The following LPIN2 variants were observed in gnomAD, a reference collection of about 807,000 sequenced individuals.
LPIN2 encodes the protein lipin 2.
Under a neutral mutation model 111.4 loss-of-function variants are expected in LPIN2, and 55 were observed. The ratio of observed to expected loss-of-function variants is 0.49; its 90% CI spans 0.40 to 0.62. The LOEUF (loss-of-function observed/expected upper bound fraction) is 0.62. Among genes scored for constraint, LPIN2 ranks in the 20% least tolerant of loss-of-function variants. LPIN2 has a pLI of 0.00. For missense variants in LPIN2, 992 were observed against 1,112.1 expected (o/e 0.89, Z 1.54); for synonymous variants, 425 against 414.0 (o/e 1.03, Z -0.32).
chr18:2,944,517 A>G (rs2077418946), intron 4 of LPIN2, among the ~76,000 whole-genome samples: 1 of 151,684 alleles, frequency 6.6e-6, no homozygotes, highest in Admixed American at 6.6e-5. Flanking sequence ...ACGCCCAGCT[A>G]ATTTTTGTAT....
intron 6 of LPIN2, 78 bp downstream of exon 6, chr18:2,939,402 T>A: frequency 6.3e-7 from 1 of 1,577,548 alleles, no homozygotes; most frequent in Non-Finnish European, 8.7e-7. Context: ...AGAAATTGCC[T>A]CCTTTACTTA....
At position 2,931,322 on chromosome 18, in the gene LPIN2, T is replaced by C. The variant is rs2077210318; in HGVS notation, c.1390A>G (p.Met464Val). The change falls in exon 9 of 20, where the codon ATG becomes GTG. Residue 464 changes from methionine to valine, a missense_variant. Physicochemically the swap from Met to Val is conservative, Grantham distance 21. Transcript: ENST00000677752. ...GAGAGGGTAACGTCAGGCAAGTCCA[T>C]GGCAGAATCTGAGAGGCACTCGGTG... The part of the protein sequence containing the change: ...SGTECLSDSA[M>V]DLPDVTLSLC... The C allele has an allele frequency of 6.2e-7, 1 of 1,614,226 alleles. No individual in the cohort carries two copies. Among genetic ancestry groups the C allele is most frequent in the East Asian group, 2.2e-5 (1 of 44,890 alleles).
rs1204371668 is a variant in LPIN2 at position 2,917,526 on chromosome 18, C to T, written c.*2767G>A. Reference sequence around the variant, plus strand: ...TCCGGGCCAGCGCTTCCCAGTCATCCAATCTCCTTTGTCCCTCGGTTGTTC... The same window carrying T: ...TCCGGGCCAGCGCTTCCCAGTCATCTAATCTCCTTTGTCCCTCGGTTGTTC... On this transcript the variant is annotated 3_prime_UTR_variant, in exon 20 of 20. Transcript: ENST00000677752. 6.6e-6 allele frequency: 1 copy of T among 152,254 alleles called. No homozygotes were observed. The highest frequency in any genetic ancestry group is 1.5e-5 in the Non-Finnish European group (1 of 68,058). 9.4% of individuals were successfully genotyped at this position (152,254 alleles called of 1,614,324 possible).
intron 1 of LPIN2, among the ~76,000 whole-genome samples, chr18:2,979,962 A>G (rs1305937423): frequency 6.6e-6 from 1 of 152,210 alleles, no homozygotes; most frequent in Non-Finnish European, 1.5e-5. Flanking sequence ...CCTCCAATGC[A>G]GCTACTTCTG....
chr18:2,979,386 G>T (rs1273704938), intron 1 of LPIN2, among the ~76,000 whole-genome samples: 1 of 152,194 alleles, frequency 6.6e-6, no homozygotes, highest in Admixed American at 6.5e-5. Context: ...CATTCATACA[G>T]CCATTTGCTG....
intron 3 of LPIN2, among the ~76,000 whole-genome samples, chr18:2,951,951 T>G (rs930043841): frequency 2.0e-5 from 3 of 152,206 alleles, no homozygotes; most frequent in Admixed American, 6.5e-5. Flanking sequence ...TGTTTAAAAA[T>G]AAGAAATATT....
intron 1 of LPIN2, among the ~76,000 whole-genome samples, chr18:3,001,539 T>G (rs1249411098): frequency 6.6e-6 from 1 of 152,114 alleles, no homozygotes; most frequent in Admixed American, 6.6e-5. Context: ...TAAAGAATTG[T>G]GCGTGTGAGA....
At chr18:2,983,439 T>G (rs1190398466) in intron 1 of LPIN2, among the ~76,000 whole-genome samples, 1 of 152,254 alleles carries the variant, frequency 6.6e-6, no homozygotes, top group African/African-American at 2.4e-5. Flanking sequence ...CCTTGGCAGC[T>G]CTCAGTAAGT....
At chr18:2,990,852 G>A (rs1176872407) in intron 1 of LPIN2, 2 of 448,246 alleles carry the variant, frequency 4.5e-6, no homozygotes, top group Non-Finnish European at 4.4e-6. Context: ...CCCGCCGGCA[G>A]GGACAATGAT....
At position 2,924,491 on chromosome 18, in the gene LPIN2, T is replaced by C; in HGVS notation, c.1994A>G (p.Gln665Arg). 1.2e-6 allele frequency: 2 copies of C among 1,614,212 alleles called. No homozygotes were observed. The highest frequency in any genetic ancestry group is 1.7e-6 in the Non-Finnish European group (2 of 1,180,018). Residue 665 changes from glutamine (Q) to arginine (R), a missense_variant, in exon 15 of 20, where the codon CAG becomes CGG. This residue lies in a region of LPIN2 where 709 missense variants were observed against 753.2 expected (regional missense o/e 0.94). Transcript: ENST00000677752. ...PNDVVFSITT[Q>R]YQGTCRCAGT... ...TGCACAGCGACAGGTGCCTTGATAC[T>C]GGGTTGTAATACTAAACACAACATC... is the stretch of plus-strand genomic sequence containing the variant.
chr18:2,922,366 C>G (rs988700453), intron 16 of LPIN2, among the ~76,000 whole-genome samples, 167 bp from the exon 17 acceptor site: 2 of 151,904 alleles, frequency 1.3e-5, no homozygotes, highest in Non-Finnish European at 2.9e-5. Flanking sequence ...CCTCCACCTC[C>G]TGGATTCAAG....
At chr18:3,011,264 T>C (rs1468806584) in intron 1 of LPIN2, among the ~76,000 whole-genome samples, 1 of 152,224 alleles carries the variant, frequency 6.6e-6, no homozygotes, top group African/African-American at 2.4e-5. Context: ...AAACACTTCA[T>C]TTCCAGCTTC....
chr18:2,987,472 T>C (rs1441629981), intron 1 of LPIN2, among the ~76,000 whole-genome samples: 1 of 152,214 alleles, frequency 6.6e-6, no homozygotes, highest in Non-Finnish European at 1.5e-5. Context: ...TGTATCGGCA[T>C]CATGTAGGAA....
chr18:2,934,496 T>C (rs1293949210), intron 7 of LPIN2, 46 bp from the exon 8 acceptor site: 4 of 1,251,908 alleles, frequency 3.2e-6, no homozygotes, highest in Non-Finnish European at 4.7e-6. Context: ...TATTCTTCAT[T>C]TACAGCTCTG....
At chr18:2,951,657 A>C (rs748615154) in intron 3 of LPIN2, among the ~76,000 whole-genome samples, 1 of 152,200 alleles carries the variant, frequency 6.6e-6, no homozygotes, top group Admixed American at 6.5e-5. Context: ...AGCCTATTAA[A>C]TTCTTCACAA....
At chr18:2,943,210 G>GTTT (rs145549555) in intron 4 of LPIN2, among the ~76,000 whole-genome samples, 3 of 150,292 alleles carry the variant, frequency 2.0e-5, no homozygotes, top group African/African-American at 7.3e-5. Context: ...TTTCTGTTTT[G>GTTT]TTTTTTAGAG....
At chr18:2,970,012 GAT>G (rs1232208291) in intron 1 of LPIN2, among the ~76,000 whole-genome samples, 1 of 152,188 alleles carries the variant, frequency 6.6e-6, no homozygotes, top group African/African-American at 2.4e-5. Context: ...ACTGTTTTAT[GAT>G]ACTTAAATTC....
At chr18:3,001,842 T>C (rs905133064) in intron 1 of LPIN2, among the ~76,000 whole-genome samples, 3 of 152,164 alleles carry the variant, frequency 2.0e-5, no homozygotes, top group Admixed American at 1.3e-4. Flanking sequence ...TTATGTGATA[T>C]AGCCTAATGA....
intron 13 of LPIN2, 110 bp downstream of exon 13, chr18:2,926,611 ATC>A: frequency 2.4e-6 from 2 of 832,188 alleles, no homozygotes; most frequent in Non-Finnish European, 4.0e-6. Flanking sequence ...AGCATGTAGT[ATC>A]TGCAGAAGAT....
Sources: gnomAD v4.1 joint callset for allele counts (sites outside exome capture counted in the v4.1 genomes callset) on GRCh38, gnomAD v4.1.1 for gene constraint, gnomAD v4.1.1 regional missense constraint, MANE v1.5 for transcripts, NCBI Gene and HGNC (gene_info 2026-07-23, HGNC 2026-07-21) for gene names.